BICD1: variants seen among roughly 807,000 people sequenced by gnomAD.
BICD1 encodes protein bicaudal D homolog 1.
Under a neutral mutation model 92.5 loss-of-function variants are expected in BICD1, and 35 were observed. The ratio of observed to expected loss-of-function variants is 0.38; its 90% CI spans 0.29 to 0.50. BICD1 has a LOEUF of 0.50. Among genes scored for constraint, BICD1 ranks in the 20% least tolerant of loss-of-function variants. BICD1 has a pLI of 0.93. For missense variants in BICD1, 950 were observed against 1,189.8 expected, an observed-to-expected ratio of 0.80 and a Z score of 2.97; for synonymous variants, 429 against 465.1, an observed-to-expected ratio of 0.92 and a Z score of 1.00.
chr12:32,311,938 T>G (rs575159257), intron 4 of BICD1, among the ~76,000 whole-genome samples: 1 of 152,186 alleles, frequency 6.6e-6, no homozygotes, highest in Non-Finnish European at 1.5e-5. Flanking sequence ...CAGTATCAGA[T>G]TGGAAAGTAA....
chr12:32,343,685 C>T (rs1474886101), intron 8 of BICD1, among the ~76,000 whole-genome samples: 1 of 152,188 alleles, frequency 6.6e-6, no homozygotes, highest in South Asian at 2.1e-4. Context: ...TCCCTCCTGT[C>T]TTTCTCTGAC....
intron 4 of BICD1, among the ~76,000 whole-genome samples, chr12:32,306,526 A>C (rs1948229611): frequency 6.6e-6 from 1 of 151,654 alleles, no homozygotes; most frequent in African/African-American, 2.4e-5. Flanking sequence ...TACAGGCGTG[A>C]GCCACCGCGC....
intron 1 of BICD1, among the ~76,000 whole-genome samples, chr12:32,141,135 G>A (rs1942906867): frequency 6.6e-6 from 1 of 152,164 alleles, no homozygotes; most frequent in Non-Finnish European, 1.5e-5. Context: ...CCTTTTCTGA[G>A]CCCTTGGCTT....
At chr12:32,254,040 CA>C (rs1946648837) in intron 2 of BICD1, among the ~76,000 whole-genome samples, 1 of 65,016 alleles carries the variant, frequency 1.5e-5, no homozygotes, top group African/African-American at 4.7e-5. Flanking sequence ...GCCCATATCC[CA>C]CCTGCCGTAT....
intron 8 of BICD1, chr12:32,340,648 T>G: frequency 2.2e-6 from 1 of 453,084 alleles, no homozygotes; most frequent in Non-Finnish European, 2.9e-6. Context: ...TTTGTTTACA[T>G]GAATATATAC....
chr12:32,189,379 T>G (rs758537067), intron 1 of BICD1, among the ~76,000 whole-genome samples: 2 of 152,240 alleles, frequency 1.3e-5, no homozygotes, highest in Non-Finnish European at 2.9e-5. Flanking sequence ...AATGTCTTTC[T>G]CTTTTTCTCC....
chr12:32,122,827 T>G (rs1376638445), intron 1 of BICD1, among the ~76,000 whole-genome samples: 1 of 152,218 alleles, frequency 6.6e-6, no homozygotes, highest in African/African-American at 2.4e-5. Context: ...CGAAAAAATC[T>G]TAAGATGTAT....
At chr12:32,229,435 A>G (rs1440158982) in intron 2 of BICD1, among the ~76,000 whole-genome samples, 1 of 152,194 alleles carries the variant, frequency 6.6e-6, no homozygotes, top group Non-Finnish European at 1.5e-5. Context: ...AGACTAAAAA[A>G]TAGTAGTGAG....
At chr12:32,245,229 A>G (rs1946342416) in intron 2 of BICD1, among the ~76,000 whole-genome samples, 1 of 151,378 alleles carries the variant, frequency 6.6e-6, no homozygotes, top group Non-Finnish European at 1.5e-5. Context: ...CTGGGAATCA[A>G]AGAGCTTAGT....
chr12:32,276,677 GAA>G (rs35116125), intron 2 of BICD1, among the ~76,000 whole-genome samples: 3 of 150,080 alleles, frequency 2.0e-5, no homozygotes, highest in Non-Finnish European at 4.4e-5. Context: ...CTGCAAAAAA[GAA>G]AAAAAAAAGA....
intron 1 of BICD1, among the ~76,000 whole-genome samples, chr12:32,179,756 C>T (rs1474663838): frequency 1.3e-5 from 2 of 151,684 alleles, no homozygotes; most frequent in Non-Finnish European, 2.9e-5. Context: ...TTTGGGAGGC[C>T]GAGACAGGCA....
chr12:32,340,510 A>G, intron 8 of BICD1: 1 of 972,316 alleles, frequency 1.0e-6, no homozygotes, highest in East Asian at 1.1e-4. Context: ...GGAACTTAGA[A>G]AAGAAATTGG....
intron 1 of BICD1, among the ~76,000 whole-genome samples, chr12:32,188,749 A>G (rs1307637562): frequency 6.7e-6 from 1 of 149,604 alleles, no homozygotes; most frequent in Non-Finnish European, 1.5e-5. Flanking sequence ...TTTTTTTGAG[A>G]CAGAGTCTCA....
At chr12:32,319,628 A>T (rs1430588620) in intron 4 of BICD1, among the ~76,000 whole-genome samples, 1 of 151,352 alleles carries the variant, frequency 6.6e-6, no homozygotes, top group East Asian at 1.9e-4. Context: ...CCCAGGCTGG[A>T]GTGCAGTGAC....
At chr12:32,271,521 A>G (rs956097100) in intron 2 of BICD1, among the ~76,000 whole-genome samples, 4 of 152,140 alleles carry the variant, frequency 2.6e-5, no homozygotes. Flanking sequence ...TCCCTTGATT[A>G]TTACATCCTT....
chr12:32,218,992 A>G (rs1753535598), intron 2 of BICD1, among the ~76,000 whole-genome samples: 1 of 152,198 alleles, frequency 6.6e-6, no homozygotes, highest in African/African-American at 2.4e-5. Context: ...TATTAAGTTG[A>G]AATCTCAGAT....
chr12:32,239,294 C>T (rs1381990673), intron 2 of BICD1, among the ~76,000 whole-genome samples: 1 of 148,350 alleles, frequency 6.7e-6, no homozygotes, highest in Non-Finnish European at 1.5e-5. Context: ...TGGCCGGGCG[C>T]TGTGGCTTAC....
chr12:32,125,891 A>AAG (rs1942312046), intron 1 of BICD1, among the ~76,000 whole-genome samples: 1 of 147,938 alleles, frequency 6.8e-6, no homozygotes, highest in Non-Finnish European at 1.5e-5. Context: ...AAAAAAAAAA[A>AAG]TGCCAAAATT....
chr12:32,171,346 G>T (rs1943930354), intron 1 of BICD1, among the ~76,000 whole-genome samples: 1 of 152,240 alleles, frequency 6.6e-6, no homozygotes, highest in Non-Finnish European at 1.5e-5. Flanking sequence ...AGGCGATGCT[G>T]TGGGACCTGG....
Sources: gnomAD v4.1 joint callset for allele counts (sites outside exome capture counted in the v4.1 genomes callset) on GRCh38, gnomAD v4.1.1 for gene constraint, MANE v1.5 for transcripts, NCBI Gene and HGNC (gene_info 2026-07-23, HGNC 2026-07-21) for gene names.